Variants in COL28A1 observed in about 807,000 individuals in gnomAD.
COL28A1 encodes collagen alpha-1(XXVIII) chain.
COL28A1 carries 161 observed loss-of-function variants against 150.2 expected under a neutral mutation model. The observed-to-expected ratio is 1.07, with a 90% CI of 0.94 to 1.22. The LOEUF is 1.22. COL28A1 is among the 50% of genes most tolerant of loss of function. The pLI is 0.00. For synonymous variants in COL28A1, 552 were observed against 469.7 expected (o/e 1.18, Z -2.26); for missense variants, 1,617 against 1,388.3 (o/e 1.16, Z -2.62).
intron 13 of COL28A1, among the ~76,000 whole-genome samples, chr7:7,478,752 G>A (rs896210184): frequency 6.6e-6 from 1 of 152,250 alleles, no homozygotes; most frequent in African/African-American, 2.4e-5. Flanking sequence ...GCACTGCTGG[G>A]GGACCCAGTG....
intron 27 of COL28A1, among the ~76,000 whole-genome samples, chr7:7,410,511 G>C (rs903919312): frequency 6.6e-6 from 1 of 152,110 alleles, no homozygotes; most frequent in African/African-American, 2.4e-5. Flanking sequence ...TTCAAAGAGA[G>C]TTTCTGGTGC....
At position 7,532,862 on chromosome 7, in the gene COL28A1, T is replaced by C. The variant is rs2115265373; in HGVS notation, c.14A>G (p.Tyr5Cys). Residue 5 changes from tyrosine (Y) to cysteine (C), a missense_variant, in exon 2 of 35, where the codon TAT becomes TGT. Transcript: ENST00000399429. The stretch of plus-strand genomic sequence containing the variant: ...CAAAAGCAGGAGATAGAAGACAAAA[T>C]ATCTGTTCCACATTATGGTAGATGG... The part of the protein sequence containing the change: MWNR[Y>C]FVFYLLLLSA... 6.2e-7 allele frequency: 1 copy of C among 1,610,386 alleles called. No individual in the cohort carries two copies. The highest frequency in any genetic ancestry group is 8.5e-7 in the Non-Finnish European group (1 of 1,178,696).
chr7:7,474,196 A>C (rs1211559287), intron 15 of COL28A1, among the ~76,000 whole-genome samples: 1 of 151,766 alleles, frequency 6.6e-6, no homozygotes, highest in Non-Finnish European at 1.5e-5. Flanking sequence ...AGAAATAGAA[A>C]ACAAAACATT....
intron 16 of COL28A1, 79 bp from the exon 17 acceptor site, chr7:7,453,587 A>T: frequency 1.3e-6 from 1 of 765,548 alleles, no homozygotes; most frequent in Non-Finnish European, 2.2e-6. Context: ...TTTAGTTCAT[A>T]CCCCATAATA....
intron 14 of COL28A1, among the ~76,000 whole-genome samples, chr7:7,475,106 A>G (rs565638658): frequency 8.5e-5 from 13 of 152,158 alleles, no homozygotes; most frequent in African/African-American, 3.1e-4. Flanking sequence ...TTAGATTATT[A>G]CCTTTTTTTT....
chr7:7,361,067 C>T (rs1239948807), intron 33 of COL28A1, among the ~76,000 whole-genome samples: 1 of 151,060 alleles, frequency 6.6e-6, no homozygotes, highest in East Asian at 2.0e-4. Context: ...CAATAGTGGC[C>T]ACTTTTTGAT....
Position 7,372,980 on chromosome 7 carries a change from C to A in COL28A1, c.2908+18G>T. ...ACAACATAAATGCCTTTCCCCTGGG[C>A]CAGATAGCCTTCCTTACCTTGCAGG... On this transcript the variant is annotated intron_variant, in intron 32 of 34. Coordinates refer to ENST00000399429, the MANE Select transcript of COL28A1 (RefSeq NM_001037763.3). 1 of 1,602,024 alleles carries A rather than the reference C, an allele frequency of 6.2e-7. No individual in the cohort carries two copies. Among genetic ancestry groups the A allele is most frequent in the Non-Finnish European group, 8.5e-7 (1 of 1,173,422 alleles).
chr7:7,410,372 G>C (rs1436925087), intron 27 of COL28A1, among the ~76,000 whole-genome samples: 2 of 152,130 alleles, frequency 1.3e-5, no homozygotes, highest in Admixed American at 6.6e-5. Flanking sequence ...GACTTGGCAG[G>C]TATAATCCTA....
intron 33 of COL28A1, 105 bp from the exon 34 acceptor site, chr7:7,360,633 C>T (rs942906423): frequency 2.1e-6 from 2 of 967,982 alleles, no homozygotes; most frequent in Non-Finnish European, 3.0e-6. Context: ...TGCTGTGTTT[C>T]CCTAGCTCTC....
At chr7:7,521,202 G>A (rs10486179) in intron 5 of COL28A1, among the ~76,000 whole-genome samples, 82,641 of 152,016 alleles carry the variant, frequency 0.54, 24,546 homozygotes, top group Admixed American at 0.67. Context: ...GCACGTGAAT[G>A]CTTTATGAAG....
chr7:7,518,907 T>A (rs931755980), intron 6 of COL28A1, among the ~76,000 whole-genome samples: 5 of 152,190 alleles, frequency 3.3e-5, no homozygotes, highest in Non-Finnish European at 7.4e-5. Flanking sequence ...TGCTTTTACT[T>A]TTTTCTTTAC....
At chr7:7,445,823 C>T (rs1254123191) in intron 18 of COL28A1, among the ~76,000 whole-genome samples, 1 of 149,144 alleles carries the variant, frequency 6.7e-6, no homozygotes, top group Non-Finnish European at 1.5e-5. Flanking sequence ...AAATAATAAA[C>T]TTGAAAACAA....
At chr7:7,541,274 T>C in the COL28A1 span, among the ~76,000 whole-genome samples, 2 of 152,142 alleles carry the variant, frequency 1.3e-5, no homozygotes, top group African/African-American at 4.8e-5. Context: ...GGGTAAATTA[T>C]TCATGGACAA....
At chr7:7,345,142 C>A in the COL28A1 span, among the ~76,000 whole-genome samples, 1 of 151,962 alleles carries the variant, frequency 6.6e-6, no homozygotes, top group South Asian at 2.1e-4. Flanking sequence ...TTAACAACCC[C>A]TTAATAAAGT....
intron 18 of COL28A1, among the ~76,000 whole-genome samples, chr7:7,448,005 G>A (rs111323180): frequency 7.3e-4 from 111 of 152,284 alleles, no homozygotes; most frequent in African/African-American, 2.6e-3. Flanking sequence ...AGGCAAGGCT[G>A]CAGTGAGTCA....
the COL28A1 span, among the ~76,000 whole-genome samples, chr7:7,340,405 G>A: frequency 6.6e-6 from 1 of 152,042 alleles, no homozygotes; most frequent in African/African-American, 2.4e-5. Flanking sequence ...TGAAATTCTT[G>A]GGACTACTTA....
chr7:7,492,995 AATATAT>A (rs1202732890), intron 11 of COL28A1, among the ~76,000 whole-genome samples: 2 of 148,004 alleles, frequency 1.4e-5, no homozygotes, highest in African/African-American at 4.9e-5. Flanking sequence ...CCTGTTATAT[AATATAT>A]ATACATATAT....
intron 16 of COL28A1, among the ~76,000 whole-genome samples, chr7:7,453,732 A>C (rs1367132265): frequency 1.3e-5 from 2 of 152,120 alleles, no homozygotes; most frequent in Non-Finnish European, 2.9e-5. Flanking sequence ...AATAAAGACC[A>C]CGTTTCTCAG....
Position 7,501,509 on chromosome 7 carries a change from G to T in COL28A1, c.1026+4505C>A, listed in dbSNP as rs557689251. Among the ~76,000 whole-genome samples the T allele has an allele frequency of 3.9e-5, 6 of 152,130 alleles. No individual in the cohort carries two copies. The South Asian group carries it at 6.2e-4, about 16-fold the overall frequency. On this transcript the variant is annotated intron_variant, in intron 11 of 34. Coordinates refer to ENST00000399429, the MANE Select transcript of COL28A1 (RefSeq NM_001037763.3). ...AGTGGATTTGCATGAGATTTGAGAAGGAAATGCCCTTCAGAAATAACCTCA... is the reference window on the plus strand; with the variant it reads ...AGTGGATTTGCATGAGATTTGAGAATGAAATGCCCTTCAGAAATAACCTCA...
Sources: allele counts gnomAD v4.1 joint callset (sites outside exome capture counted in the v4.1 genomes callset), GRCh38; gene constraint gnomAD v4.1.1; transcripts MANE v1.5; gene names NCBI Gene and HGNC (gene_info 2026-07-23, HGNC 2026-07-21).